REG3G: variants seen among roughly 807,000 people sequenced by gnomAD.
REG3G encodes regenerating islet-derived protein 3-gamma.
In REG3G, 19 loss-of-function variants were observed where a neutral mutation model predicts 20.9. The ratio of observed to expected loss-of-function variants is 0.91; its 90% confidence interval spans 0.64 to 1.34. The LOEUF is 1.34. REG3G is among the 40% of genes most tolerant of loss of function. The pLI is 0.00. For synonymous variants in REG3G, 89 were observed against 77.4 expected (o/e 1.15, Z -0.79); for missense variants, 235 against 205.0 (o/e 1.15, Z -0.89).
chr2:79,028,155 C>G, intron 5 of REG3G, 54 bp from the exon 6 acceptor site: 6 of 1,405,926 alleles, frequency 4.3e-6, no homozygotes, highest in Non-Finnish European at 6.1e-6. Context: ...GATGCCTCTT[C>G]ACTGGGTTCA....
At chr2:79,026,852 T>A in intron 3 of REG3G, 21 bp downstream of exon 3, 1 of 1,393,538 alleles carries the variant, frequency 7.2e-7, no homozygotes, top group Non-Finnish European at 9.7e-7. Flanking sequence ...AGATGTGGGG[T>A]TGGAGGTGAT....
At chr2:79,026,989 CA>C in intron 3 of REG3G, 44 bp from the exon 4 acceptor site, 2 of 1,612,740 alleles carry the variant, frequency 1.2e-6, no homozygotes, top group Non-Finnish European at 1.7e-6. Context: ...TGCCCTCCCT[CA>C]GTGGGTCTCA....
Position 79,026,067 on chromosome 2 carries a change from C to CT in REG3G, c.-27_-26insT, listed in dbSNP as rs1671609943. 1.9e-6 allele frequency: 3 copies of CT among 1,611,588 alleles called. No individual in the cohort carries two copies. Among genetic ancestry groups the CT allele is most frequent in the Non-Finnish European group, 8.5e-7 (1 of 1,177,844 alleles). On this transcript the variant is annotated 5_prime_UTR_variant, in exon 2 of 6. Transcript: ENST00000272324. Reference sequence around the variant, plus strand: ...GCTGACCACACTTCCTTTAGTGACCCGATTGCCTCCTCAAGTCGCAGACAC... The same window carrying CT: ...GCTGACCACACTTCCTTTAGTGACCCTGATTGCCTCCTCAAGTCGCAGACAC...
intron 1 of REG3G, 23 bp downstream of exon 1, chr2:79,025,796 T>G (rs1671600623): frequency 3.0e-6 from 1 of 332,394 alleles, no homozygotes; most frequent in Non-Finnish European, 5.6e-6. Context: ...TGAGAGAAGA[T>G]GAGACCTGTG....
chr2:79,027,300 T>G (rs1181862668), intron 4 of REG3G, 129 bp downstream of exon 4: 4 of 1,012,516 alleles, frequency 4.0e-6, no homozygotes, highest in Non-Finnish European at 4.4e-6. Context: ...GGGGGACATT[T>G]GGGAGAATAG....
At position 79,026,086 on chromosome 2, in the gene REG3G, C is replaced by T. The variant is rs765612120; in HGVS notation, c.-8C>T. The T allele has an allele frequency of 1.2e-6, 2 of 1,613,874 alleles. No homozygotes were observed. The highest frequency in any genetic ancestry group is 1.7e-6 in the Non-Finnish European group (2 of 1,179,806). On this transcript the variant is annotated 5_prime_UTR_variant, in exon 2 of 6. Transcript: ENST00000272324. ...GTGACCCGATTGCCTCCTCAAGTCG[C>T]AGACACTATGCTGCCTCCCATGGCC...
At chr2:79,027,368 A>G in intron 4 of REG3G, 197 bp downstream of exon 4, 1 of 565,756 alleles carries the variant, frequency 1.8e-6, no homozygotes, top group Non-Finnish European at 3.1e-6. Context: ...TCTTTAAAGA[A>G]AATTAGTCGG....
At chr2:79,027,298 T>C in intron 4 of REG3G, 127 bp downstream of exon 4, 1 of 1,015,670 alleles carries the variant, frequency 9.8e-7, no homozygotes, top group Non-Finnish European at 1.5e-6. Flanking sequence ...CTGGGGGACA[T>C]TTGGGAGAAT....
chr2:79,027,698 G>A (rs1671659666), intron 4 of REG3G, 109 bp from the exon 5 acceptor site: 1 of 1,354,040 alleles, frequency 7.4e-7, no homozygotes, highest in Non-Finnish European at 1.0e-6. Context: ...TGGAAGATCA[G>A]ACCAAAATCC....
At chr2:79,026,590 G>A in intron 2 of REG3G, 123 bp from the exon 3 acceptor site, 2 of 776,196 alleles carry the variant, frequency 2.6e-6, no homozygotes, top group East Asian at 2.5e-5. Flanking sequence ...AAACACAAGG[G>A]AAGATGAAGA....
At chr2:79,028,110 G>A in intron 5 of REG3G, 99 bp from the exon 6 acceptor site, 2 of 1,276,964 alleles carry the variant, frequency 1.6e-6, no homozygotes, top group Non-Finnish European at 2.3e-6. Flanking sequence ...TGGTGAAGAT[G>A]AGAGAGAAGC....
In REG3G at chr2:79,025,860, G is replaced by A. The variant is rs189427109; in HGVS notation, c.-112+87G>A. 97 of 509,276 alleles carry A rather than the reference G, an allele frequency of 1.9e-4. No individual in the cohort carries two copies. The East Asian group carries it at 2.6e-3, about 14-fold the overall frequency. 31.5% of individuals were successfully genotyped at this position (509,276 alleles called of 1,614,324 possible). ...ACGCATGGGAGGGTCCCTTCCTCAGGGAGCACAGGAGCTCTGAGACTCAGC... is the reference window on the plus strand; with the variant it reads ...ACGCATGGGAGGGTCCCTTCCTCAGAGAGCACAGGAGCTCTGAGACTCAGC... On this transcript the variant is annotated intron_variant, in intron 1 of 5. Transcript: ENST00000272324.
intron 4 of REG3G, 82 bp from the exon 5 acceptor site, chr2:79,027,725 A>G: frequency 5.9e-6 from 9 of 1,520,834 alleles, no homozygotes; most frequent in Non-Finnish European, 8.1e-6. Context: ...CTGGGGAGGA[A>G]TCAGGTGTTA....
rs571874498 is a variant in REG3G at position 79,025,990 on chromosome 2, G to A, written c.-104G>A. ...TGACCAAGATCACTTCAGTCCTAGG[G>A]GACTACAGAAGGAAAAAGACAAGAG... On this transcript the variant is annotated 5_prime_UTR_variant, in exon 2 of 6. Coordinates refer to ENST00000272324, the MANE Select transcript of REG3G (RefSeq NM_001008387.3). 54 of 1,061,654 alleles carry A rather than the reference G, an allele frequency of 5.1e-5. No homozygotes were observed. The African/African-American group carries it at 7.6e-4, about 15-fold the overall frequency. 65.8% of individuals were successfully genotyped at this position (1,061,654 alleles called of 1,614,324 possible). A position where few individuals can be genotyped will look rare whatever the true frequency, so the allele number is the denominator to read the frequency against.
chr2:79,027,230 A>C, intron 4 of REG3G, 59 bp downstream of exon 4: 1 of 1,569,124 alleles, frequency 6.4e-7, no homozygotes, highest in Non-Finnish European at 8.7e-7. Context: ...GCCCAGGCGC[A>C]CTCCCTGTCC....
In REG3G at chr2:79,025,771, G is replaced by C. The variant is rs567380187; in HGVS notation, c.-114G>C. On this transcript the variant is annotated splice_region_variant and 5_prime_UTR_variant, in exon 1 of 6. Coordinates refer to ENST00000272324, the MANE Select transcript of REG3G (RefSeq NM_001008387.3). ...ACAAAGCATACCAGATCTCACCAGA[G>C]AGGTAAGTGGGAGCTGAGAGAAGAT... 4.2e-5 allele frequency: 12 copies of C among 284,946 alleles called. No homozygotes were observed. Among genetic ancestry groups the C allele is most frequent in the Middle Eastern group, 1.1e-3 (1 of 902 alleles). 17.7% of individuals were successfully genotyped at this position (284,946 alleles called of 1,614,324 possible).
In REG3G at chr2:79,026,048, C is replaced by A. The variant is rs1216450300; in HGVS notation, c.-46C>A. On this transcript the variant is annotated 5_prime_UTR_variant, in exon 2 of 6. Transcript: ENST00000272324. ...GATATCTGTGTGTCCTCCCGCTGAC[C>A]ACACTTCCTTTAGTGACCCGATTGC... The A allele has an allele frequency of 6.3e-7, 1 of 1,589,782 alleles. No individual in the cohort carries two copies. Among genetic ancestry groups the A allele is most frequent in the Non-Finnish European group, 8.6e-7 (1 of 1,158,222 alleles).
At chr2:79,025,935 C>A in intron 1 of REG3G, 48 bp from the exon 2 acceptor site, 1 of 675,786 alleles carries the variant, frequency 1.5e-6, no homozygotes, top group Non-Finnish European at 2.6e-6. Context: ...AGATTCACAG[C>A]TCATTCAGAA....
intron 3 of REG3G, 86 bp downstream of exon 3, chr2:79,026,917 C>T (rs1440836097): frequency 3.6e-6 from 5 of 1,381,416 alleles, no homozygotes; most frequent in Non-Finnish European, 5.0e-6. Flanking sequence ...AGGAGAGTTC[C>T]TTGGGAATGA....
Sources: allele counts gnomAD v4.1 joint callset, GRCh38; gene constraint gnomAD v4.1.1; transcripts MANE v1.5; gene names NCBI Gene and HGNC (gene_info 2026-07-23, HGNC 2026-07-21).